Variants in GALNTL6 observed in about 807,000 individuals in gnomAD.
The protein encoded by GALNTL6 is polypeptide N-acetylgalactosaminyltransferase like 6.
Under a neutral mutation model 73.7 loss-of-function variants are expected in GALNTL6, and 46 were observed. The ratio of observed to expected loss-of-function variants is 0.62; its 90% CI spans 0.49 to 0.80. The LOEUF is 0.80. Among genes scored for constraint, GALNTL6 ranks in the 30% least tolerant of loss-of-function variants. GALNTL6 has a pLI of 0.00. For missense variants in GALNTL6, 604 were observed against 755.0 expected (o/e 0.80, Z 2.34); for synonymous variants, 259 against 263.7 (o/e 0.98, Z 0.17).
At chr4:172,909,001 A>G (rs894127866) in intron 8 of GALNTL6, among the ~76,000 whole-genome samples, 1 of 151,874 alleles carries the variant, frequency 6.6e-6, no homozygotes, top group Non-Finnish European at 1.5e-5. Flanking sequence ...ATAATAAAAT[A>G]CATAATAAAA....
At chr4:172,020,662 T>C (rs1741370374) in intron 2 of GALNTL6, among the ~76,000 whole-genome samples, 1 of 151,580 alleles carries the variant, frequency 6.6e-6, no homozygotes, top group African/African-American at 2.4e-5. Flanking sequence ...ATCAAAGCCA[T>C]AATAAGAAGC....
At chr4:171,869,718 G>A (rs948706722) in intron 2 of GALNTL6, among the ~76,000 whole-genome samples, 4 of 152,044 alleles carry the variant, frequency 2.6e-5, no homozygotes, top group African/African-American at 9.7e-5. Context: ...CATGTGTTGC[G>A]GGAGGGACCC....
intron 8 of GALNTL6, among the ~76,000 whole-genome samples, chr4:172,899,549 C>G (rs1255264725): frequency 2.0e-5 from 3 of 152,074 alleles, no homozygotes; most frequent in Non-Finnish European, 2.9e-5. Flanking sequence ...ACTGATAGTA[C>G]TAATAACTAT....
At chr4:171,848,406 A>T (rs1263308015) in intron 2 of GALNTL6, among the ~76,000 whole-genome samples, 3 of 152,222 alleles carry the variant, frequency 2.0e-5, no homozygotes. Flanking sequence ...ATTGGCTTCA[A>T]CTTAAAGTCA....
chr4:172,318,580 T>C (rs1020980739), intron 4 of GALNTL6, among the ~76,000 whole-genome samples: 5 of 151,982 alleles, frequency 3.3e-5, no homozygotes, highest in Non-Finnish European at 7.4e-5. Context: ...TGGGCGCCTG[T>C]AATCCCAGCT....
chr4:171,878,643 T>C (rs1243982354), intron 2 of GALNTL6, among the ~76,000 whole-genome samples: 1 of 152,168 alleles, frequency 6.6e-6, no homozygotes, highest in Non-Finnish European at 1.5e-5. Flanking sequence ...TGCTTATGTC[T>C]CTAGTTGTTT....
intron 5 of GALNTL6, among the ~76,000 whole-genome samples, chr4:172,361,607 A>G (rs1048270196): frequency 1.3e-5 from 2 of 152,172 alleles, no homozygotes; most frequent in African/African-American, 4.8e-5. Flanking sequence ...GTGCATGATG[A>G]ATAATATCAG....
intron 10 of GALNTL6, among the ~76,000 whole-genome samples, chr4:173,003,221 A>T (rs1257212764): frequency 1.3e-5 from 2 of 152,222 alleles, no homozygotes; most frequent in Non-Finnish European, 2.9e-5. Flanking sequence ...AAGGAGTGGG[A>T]CATTCAGTAC....
chr4:172,957,817 G>A (rs904236049), intron 10 of GALNTL6, among the ~76,000 whole-genome samples: 1 of 152,162 alleles, frequency 6.6e-6, no homozygotes, highest in South Asian at 2.1e-4. Flanking sequence ...GTGGAGGGGG[G>A]CAGAGCAGTA....
rs563075325 is a variant in GALNTL6, at chr4:172,495,406, T to C, written c.553+146717T>C. ...AGGCTTAATGTATCCAGCACAGTCT[T>C]ACTATTAGCTGGTTAACACTTTCTA... On this transcript the variant is annotated intron_variant, in intron 5 of 12. Transcript: ENST00000506823. 4.5e-4 allele frequency among the ~76,000 whole-genome samples: 69 copies of C among 152,300 alleles called. 1 individual carries two copies. The highest frequency in any genetic ancestry group is 1.0e-4 in the Non-Finnish European group (7 of 68,028).
chr4:172,518,377 G>A (rs1471907502), intron 5 of GALNTL6, among the ~76,000 whole-genome samples: 2 of 151,808 alleles, frequency 1.3e-5, no homozygotes, highest in African/African-American at 2.4e-5. Flanking sequence ...TAAGTATATT[G>A]TTTTTAAGGA....
chr4:172,777,376 C>T (rs1739130817), intron 5 of GALNTL6, among the ~76,000 whole-genome samples: 1 of 152,134 alleles, frequency 6.6e-6, no homozygotes, highest in African/African-American at 2.4e-5. Flanking sequence ...TACATTCTTA[C>T]AAACATGGCC....
intron 2 of GALNTL6, among the ~76,000 whole-genome samples, chr4:172,222,496 T>A (rs1438306797): frequency 2.0e-5 from 3 of 151,970 alleles, no homozygotes; most frequent in African/African-American, 7.2e-5. Flanking sequence ...GTCATCAAGA[T>A]AAAAGATCTC....
intron 6 of GALNTL6, among the ~76,000 whole-genome samples, chr4:172,810,804 A>C (rs1198066187): frequency 6.6e-6 from 1 of 152,162 alleles, no homozygotes; most frequent in Non-Finnish European, 1.5e-5. Context: ...GGACACAGCA[A>C]TTTAGAGCTT....
chr4:173,015,957 C>A (rs187577060), intron 11 of GALNTL6, among the ~76,000 whole-genome samples: 1 of 152,222 alleles, frequency 6.6e-6, no homozygotes, highest in Non-Finnish European at 1.5e-5. Context: ...CCTCAGGACA[C>A]GGTGCCGTGT....
At chr4:172,044,130 A>T (rs1382721443) in intron 2 of GALNTL6, among the ~76,000 whole-genome samples, 1 of 151,954 alleles carries the variant, frequency 6.6e-6, no homozygotes, top group Non-Finnish European at 1.5e-5. Flanking sequence ...TTAAGAGGTA[A>T]GAAAAGGTCA....
intron 5 of GALNTL6, among the ~76,000 whole-genome samples, chr4:172,351,943 C>T (rs1278271824): frequency 6.6e-6 from 1 of 152,060 alleles, no homozygotes; most frequent in African/African-American, 2.4e-5. Flanking sequence ...AAATATTACT[C>T]CCTTATATTT....
At chr4:171,822,679 T>G (rs1321030833) in intron 2 of GALNTL6, among the ~76,000 whole-genome samples, 6 of 152,208 alleles carry the variant, frequency 3.9e-5, no homozygotes, top group Non-Finnish European at 1.5e-5. Context: ...TTATTGTTGA[T>G]ACCATATTTT....
intron 5 of GALNTL6, among the ~76,000 whole-genome samples, chr4:172,728,589 C>T (rs1384218916): frequency 6.6e-6 from 1 of 151,940 alleles, no homozygotes; most frequent in Admixed American, 6.6e-5. Flanking sequence ...CTGATGGGCA[C>T]TTAGGTTGAT....
Sources: gnomAD v4.1 joint callset for allele counts (sites outside exome capture counted in the v4.1 genomes callset) on GRCh38, gnomAD v4.1.1 for gene constraint, MANE v1.5 for transcripts, NCBI Gene and HGNC (gene_info 2026-07-23, HGNC 2026-07-21) for gene names.